PCCA: variants seen among roughly 807,000 people sequenced by gnomAD.
PCCA encodes propionyl-CoA carboxylase alpha chain, mitochondrial.
A neutral mutation model predicts 101.3 loss-of-function variants in PCCA; 74 were observed. The observed-to-expected ratio is 0.73, with a 90% CI of 0.61 to 0.89. The LOEUF is 0.89. PCCA is among the 40% of genes least tolerant of loss of function. PCCA has a pLI of 0.00. For missense variants in PCCA, 891 were observed against 907.0 expected, an observed-to-expected ratio of 0.98 and a Z score of 0.23; for synonymous variants, 294 against 313.6, an observed-to-expected ratio of 0.94 and a Z score of 0.66.
intron 8 of PCCA, among the ~76,000 whole-genome samples, chr13:100,248,827 A>C (rs187849239): frequency 1.3e-4 from 19 of 151,526 alleles, no homozygotes; most frequent in African/African-American, 4.6e-4. Flanking sequence ...GCTCACTGCA[A>C]CCTCCGCCTC....
intron 6 of PCCA, among the ~76,000 whole-genome samples, chr13:100,178,769 CA>C (rs776992209): frequency 6.6e-6 from 1 of 152,088 alleles, no homozygotes. Context: ...GATTTAGCCA[CA>C]TTTTTTTAAT....
chr13:100,278,546 A>T (rs1480288660), intron 12 of PCCA, among the ~76,000 whole-genome samples: 2 of 149,706 alleles, frequency 1.3e-5, no homozygotes, highest in Non-Finnish European at 3.0e-5. Context: ...CAGTGGCGTG[A>T]TCTCGGCCTG....
chr13:100,361,836 C>T (rs1195347550), intron 18 of PCCA, among the ~76,000 whole-genome samples: 3 of 152,136 alleles, frequency 2.0e-5, no homozygotes, highest in Non-Finnish European at 4.4e-5. Context: ...TTTAGCAACT[C>T]ATATAAAATT....
intron 21 of PCCA, among the ~76,000 whole-genome samples, chr13:100,465,788 C>T (rs1394156263): frequency 6.6e-6 from 1 of 152,228 alleles, no homozygotes; most frequent in Admixed American, 6.5e-5. Context: ...GACTCCAGAA[C>T]AGATGTGAAA....
chr13:100,402,408 T>A (rs1451423290), intron 19 of PCCA, among the ~76,000 whole-genome samples: 4 of 152,096 alleles, frequency 2.6e-5, no homozygotes, highest in African/African-American at 9.7e-5. Flanking sequence ...TTTTTAGCAA[T>A]CCTATAATTA....
intron 20 of PCCA, among the ~76,000 whole-genome samples, chr13:100,429,963 T>G (rs1435710952): frequency 6.6e-6 from 1 of 151,952 alleles, no homozygotes; most frequent in Non-Finnish European, 1.5e-5. Context: ...AAAACCTGTT[T>G]ACCCACTATC....
intron 21 of PCCA, among the ~76,000 whole-genome samples, chr13:100,453,909 G>A (rs1389404548): frequency 2.6e-5 from 4 of 152,182 alleles, no homozygotes; most frequent in Non-Finnish European, 4.4e-5. Context: ...CAGTTGCCCA[G>A]GCTGGAGTGC....
chr13:100,118,223 A>G (rs894175073), intron 4 of PCCA, among the ~76,000 whole-genome samples: 3 of 152,150 alleles, frequency 2.0e-5, no homozygotes, highest in African/African-American at 7.2e-5. Flanking sequence ...CTACATATCT[A>G]TAATACCTTA....
At chr13:100,177,025 G>GT (rs1471876776) in intron 6 of PCCA, among the ~76,000 whole-genome samples, 2 of 152,206 alleles carry the variant, frequency 1.3e-5, no homozygotes, top group African/African-American at 4.8e-5. Flanking sequence ...GACTTTGAGT[G>GT]TTTAACTGTC....
intron 18 of PCCA, among the ~76,000 whole-genome samples, chr13:100,354,593 T>A (rs548401783): frequency 6.6e-6 from 1 of 151,844 alleles, no homozygotes; most frequent in African/African-American, 2.4e-5. Context: ...ATCACAGAAA[T>A]GACAAACCTG....
intron 4 of PCCA, among the ~76,000 whole-genome samples, chr13:100,138,918 G>C (rs1010645410): frequency 9.0e-6 from 1 of 110,710 alleles, no homozygotes; most frequent in African/African-American, 3.7e-5. Context: ...CTGGGAGACA[G>C]AGCAAAACTC....
At position 100,508,828 on chromosome 13, in the gene PCCA, C is replaced by T. The variant is rs1045085367; in HGVS notation, c.1900-6599C>T. The stretch of plus-strand genomic sequence containing the variant: ...TAATGCTTGGGGTGGGGGGTTCAGG[C>T]TATTTATTGTGCTGACGTTGGTTTC... On this transcript the variant is annotated intron_variant, in intron 21 of 23. Transcript: ENST00000376285. Among the ~76,000 whole-genome samples the T allele has an allele frequency of 3.3e-5, 5 of 152,114 alleles. No homozygotes were observed. In the South Asian group the frequency reaches 1.0e-3, roughly 32 times the overall value.
chr13:100,414,841 A>G (rs1225308824), intron 19 of PCCA, among the ~76,000 whole-genome samples: 4 of 152,206 alleles, frequency 2.6e-5, no homozygotes, highest in Non-Finnish European at 5.9e-5. Flanking sequence ...ATAAGAACTA[A>G]AAAGAAGCAA....
intron 7 of PCCA, 113 bp downstream of exon 7, chr13:100,209,576 ATATG>A: frequency 7.6e-6 from 6 of 789,940 alleles, no homozygotes; most frequent in African/African-American, 1.7e-5. Context: ...ACACACACAC[ATATG>A]CACGCACATA....
chr13:100,359,860 C>T (rs919556276), intron 18 of PCCA, among the ~76,000 whole-genome samples: 1 of 152,222 alleles, frequency 6.6e-6, no homozygotes, highest in Non-Finnish European at 1.5e-5. Flanking sequence ...GATGTCACTT[C>T]TCTCTACAGT....
rs2078432286 is a variant in PCCA, at chr13:100,417,163, T to C, written c.1747-8470T>C. On this transcript the variant is annotated intron_variant, in intron 19 of 23. Transcript: ENST00000376285. ...CGGCCTGTCATGTGTATTCTAATTA[T>C]AAATAATTTTCAACCAAACTGATAT... Among the ~76,000 whole-genome samples, 4 of 152,218 alleles carry C rather than the reference T, an allele frequency of 2.6e-5. No individual in the cohort carries two copies. The South Asian group carries it at 8.3e-4, about 32-fold the overall frequency.
intron 21 of PCCA, among the ~76,000 whole-genome samples, chr13:100,510,359 ATT>A (rs1427860810): frequency 6.6e-6 from 1 of 152,220 alleles, no homozygotes; most frequent in Non-Finnish European, 1.5e-5. Flanking sequence ...ATGGTACACA[ATT>A]AACATCTCAT....
intron 19 of PCCA, among the ~76,000 whole-genome samples, chr13:100,395,614 A>G (rs2077006798): frequency 1.3e-5 from 2 of 152,146 alleles, no homozygotes; most frequent in African/African-American, 4.8e-5. Context: ...GCTCAGGAAT[A>G]TTTTATTACA....
intron 21 of PCCA, among the ~76,000 whole-genome samples, chr13:100,500,913 G>A (rs1199341758): frequency 6.6e-6 from 1 of 152,232 alleles, no homozygotes; most frequent in Non-Finnish European, 1.5e-5. Context: ...GGAGGCCGAG[G>A]CGGGTAGATC....
Sources: gnomAD v4.1 joint callset for allele counts (sites outside exome capture counted in the v4.1 genomes callset) on GRCh38, gnomAD v4.1.1 for gene constraint, MANE v1.5 for transcripts, NCBI Gene and HGNC (gene_info 2026-07-23, HGNC 2026-07-21) for gene names.